The following MSRA variants were observed in gnomAD, a reference collection of about 807,000 sequenced individuals.
MSRA encodes the protein mitochondrial peptide methionine sulfoxide reductase.
A neutral mutation model predicts 31.3 loss-of-function variants in MSRA; 54 were observed. The observed-to-expected ratio is 1.73, with a 90% CI of 1.39 to 2.17. MSRA has a LOEUF of 2.17. Among genes scored for constraint, MSRA ranks in the 30% most tolerant of loss-of-function variants. The pLI is 0.00. For missense variants in MSRA, 507 were observed against 300.9 expected (o/e 1.69, Z -5.07); for synonymous variants, 169 against 116.5 (o/e 1.45, Z -2.90).
chr8:10,227,193 C>T (rs781769886), intron 2 of MSRA, among the ~76,000 whole-genome samples: 1 of 152,084 alleles, frequency 6.6e-6, no homozygotes, highest in Non-Finnish European at 1.5e-5. Flanking sequence ...TGCTTGGTGA[C>T]GACGAGGCCC....
At chr8:10,232,640 G>T (rs946893775) in intron 2 of MSRA, among the ~76,000 whole-genome samples, 1 of 152,134 alleles carries the variant, frequency 6.6e-6, no homozygotes, top group Non-Finnish European at 1.5e-5. Context: ...TTTCTTTAAG[G>T]TTCTTCCTGA....
At chr8:10,210,643 A>G (rs1020144924) in intron 2 of MSRA, among the ~76,000 whole-genome samples, 2 of 152,176 alleles carry the variant, frequency 1.3e-5, no homozygotes, top group Non-Finnish European at 2.9e-5. Flanking sequence ...GAGTTCATCA[A>G]AACAGTGATG....
intron 1 of MSRA, among the ~76,000 whole-genome samples, chr8:10,205,282 G>C (rs1018459139): frequency 2.6e-5 from 4 of 152,166 alleles, no homozygotes; most frequent in African/African-American, 9.7e-5. Flanking sequence ...TGGGGCTAGG[G>C]AGGCTTCGGT....
chr8:10,099,030 A>C (rs889449693), intron 1 of MSRA, among the ~76,000 whole-genome samples: 6 of 152,136 alleles, frequency 3.9e-5, no homozygotes, highest in African/African-American at 1.2e-4. Flanking sequence ...AAGGTTTGCT[A>C]GGGGGTGTGG....
At chr8:10,254,183 T>C (rs1000234667) in intron 3 of MSRA, among the ~76,000 whole-genome samples, 1 of 152,162 alleles carries the variant, frequency 6.6e-6, no homozygotes, top group African/African-American at 2.4e-5. Flanking sequence ...AATTTCAGCG[T>C]CTTCGTTCTT....
intron 2 of MSRA, among the ~76,000 whole-genome samples, chr8:10,213,049 T>C (rs1049724462): frequency 2.0e-5 from 3 of 152,200 alleles, no homozygotes; most frequent in Non-Finnish European, 4.4e-5. Flanking sequence ...AATCCAATTA[T>C]ACTCTTAGTT....
chr8:10,187,622 A>G (rs1487098612), intron 1 of MSRA, among the ~76,000 whole-genome samples: 2 of 152,238 alleles, frequency 1.3e-5, no homozygotes, highest in Admixed American at 1.3e-4. Context: ...TGTAATGACA[A>G]GGCATGACTT....
chr8:10,281,980 G>A (rs192189927), intron 3 of MSRA, among the ~76,000 whole-genome samples: 3 of 152,216 alleles, frequency 2.0e-5, no homozygotes, highest in East Asian at 3.9e-4. Flanking sequence ...GTGTTCTTTC[G>A]AAGGTGGAGG....
intron 1 of MSRA, among the ~76,000 whole-genome samples, chr8:10,082,083 G>A (rs764895239): frequency 7.2e-5 from 11 of 152,196 alleles, no homozygotes; most frequent in Non-Finnish European, 1.5e-4. Flanking sequence ...GTGTGCACCC[G>A]TAGTCCCAGC....
chr8:10,251,074 T>C (rs1169898079), intron 3 of MSRA, among the ~76,000 whole-genome samples: 4 of 152,180 alleles, frequency 2.6e-5, no homozygotes, highest in Non-Finnish European at 5.9e-5. Context: ...CTTCTCTTCT[T>C]CATCTGTGTT....
At position 10,245,148 on chromosome 8, in the gene MSRA, A is replaced by T; in HGVS notation, c.256A>T (p.Lys86Ter). ...AGCTGAAAGGAAATTCTGGGTCTTG[A>T]AAGGAGTGTATTCAACTCAAGTTGG... ...WGAERKFWVL[K>*]GVYSTQVGFA... The change falls in exon 3 of 6, where the codon AAA becomes TAA. Residue 86 changes from lysine (K) to a stop codon, truncating the protein, a stop_gained. Coordinates refer to ENST00000317173, the MANE Select transcript of MSRA (RefSeq NM_012331.5). LOFTEE classifies it high-confidence loss of function. The T allele has an allele frequency of 6.2e-7, 1 of 1,613,576 alleles. No individual in the cohort carries two copies. The highest frequency in any genetic ancestry group is 8.5e-7 in the Non-Finnish European group (1 of 1,179,854).
chr8:10,189,002 G>A (rs1278419696), intron 1 of MSRA, among the ~76,000 whole-genome samples: 1 of 152,098 alleles, frequency 6.6e-6, no homozygotes, highest in Non-Finnish European at 1.5e-5. Context: ...TGAACATGAT[G>A]TATCTTTCCA....
intron 1 of MSRA, among the ~76,000 whole-genome samples, chr8:10,057,788 G>A (rs1034142656): frequency 1.3e-5 from 2 of 152,158 alleles, no homozygotes; most frequent in African/African-American, 4.8e-5. Flanking sequence ...ATGATTGTAA[G>A]TTTCCTGAGG....
At chr8:10,089,155 C>CAA (rs1798735497) in intron 1 of MSRA, among the ~76,000 whole-genome samples, 1 of 152,110 alleles carries the variant, frequency 6.6e-6, no homozygotes, top group Admixed American at 6.5e-5. Context: ...CACACACACA[C>CAA]ACACACAGTA....
At chr8:10,220,155 C>T (rs896096439) in intron 2 of MSRA, among the ~76,000 whole-genome samples, 1 of 152,150 alleles carries the variant, frequency 6.6e-6, no homozygotes, top group Non-Finnish European at 1.5e-5. Context: ...TGTCCATAAC[C>T]ACTAGGTGTT....
chr8:10,395,076 T>C (rs969804598), intron 5 of MSRA, among the ~76,000 whole-genome samples: 1 of 152,184 alleles, frequency 6.6e-6, no homozygotes, highest in Admixed American at 6.5e-5. Context: ...CACAGTCACC[T>C]GTGTGTAAGC....
At chr8:10,224,243 TA>T (rs1810790710) in intron 2 of MSRA, among the ~76,000 whole-genome samples, 1 of 152,166 alleles carries the variant, frequency 6.6e-6, no homozygotes, top group East Asian at 1.9e-4. Flanking sequence ...TTAAGAAAAT[TA>T]CACTTTTTAC....
intron 5 of MSRA, among the ~76,000 whole-genome samples, chr8:10,320,712 G>A (rs920759219): frequency 6.6e-6 from 1 of 152,194 alleles, no homozygotes; most frequent in South Asian, 2.1e-4. Context: ...GGAAGTCCAA[G>A]ATCAAGGTGT....
chr8:10,290,671 A>C (rs202196095), intron 3 of MSRA, among the ~76,000 whole-genome samples: 1 of 152,116 alleles, frequency 6.6e-6, no homozygotes, highest in East Asian at 1.9e-4. Context: ...TAAGTTGTTA[A>C]ATTGTGAACC....
Sources: gnomAD v4.1 joint callset for allele counts (sites outside exome capture counted in the v4.1 genomes callset) on GRCh38, gnomAD v4.1.1 for gene constraint, MANE v1.5 for transcripts, NCBI Gene and HGNC (gene_info 2026-07-23, HGNC 2026-07-21) for gene names.